ASCC1: variants seen among roughly 807,000 people sequenced by gnomAD.
ASCC1 encodes the protein activating signal cointegrator 1 complex subunit 1.
Under a neutral mutation model 46.6 loss-of-function variants are expected in ASCC1, and 35 were observed. The ratio of observed to expected loss-of-function variants is 0.75; its 90% CI spans 0.57 to 0.99. ASCC1 has a LOEUF of 0.99. Ranked by LOEUF, ASCC1 falls within the 50% of genes least tolerant of loss-of-function variation. The pLI is 0.00. For missense variants in ASCC1, 376 were observed against 428.7 expected, an observed-to-expected ratio of 0.88 and a Z score of 1.09; for synonymous variants, 143 against 146.6, an observed-to-expected ratio of 0.98 and a Z score of 0.18.
At chr10:72,190,842 A>G (rs796673992) in intron 5 of ASCC1, among the ~76,000 whole-genome samples, 20 of 151,512 alleles carry the variant, frequency 1.3e-4, no homozygotes, top group African/African-American at 4.6e-4. Context: ...TTAAAAATAT[A>G]AAAATTCGCT....
At chr10:72,148,327 G>A (rs965782387) in intron 7 of ASCC1, among the ~76,000 whole-genome samples, 5 of 152,140 alleles carry the variant, frequency 3.3e-5, no homozygotes, top group Admixed American at 1.3e-4. Flanking sequence ...AAAGTACTGG[G>A]TCCATATACC....
chr10:72,192,466 A>G (rs866698631), intron 5 of ASCC1, among the ~76,000 whole-genome samples: 7 of 151,958 alleles, frequency 4.6e-5, no homozygotes, highest in Non-Finnish European at 7.4e-5. Context: ...AAAAAAAAAA[A>G]AAAGAAAGAA....
chr10:72,146,870 C>T (rs1344207654), intron 7 of ASCC1, among the ~76,000 whole-genome samples: 2 of 151,850 alleles, frequency 1.3e-5, no homozygotes, highest in African/African-American at 2.4e-5. Flanking sequence ...AAGTTAAGTG[C>T]TTGTATCTTC....
At chr10:72,123,117 C>G (rs1008561621) in intron 9 of ASCC1, among the ~76,000 whole-genome samples, 1 of 152,034 alleles carries the variant, frequency 6.6e-6, no homozygotes, top group Admixed American at 6.6e-5. Context: ...GCAGGCAGAT[C>G]ACAAGGTCAG....
At chr10:72,123,623 A>T (rs1243546813) in intron 9 of ASCC1, among the ~76,000 whole-genome samples, 1 of 152,194 alleles carries the variant, frequency 6.6e-6, no homozygotes, top group African/African-American at 2.4e-5. Flanking sequence ...TTTTTTAAAA[A>T]GTGACCGCAT....
At chr10:72,119,040 T>C (rs1843855296) in intron 9 of ASCC1, among the ~76,000 whole-genome samples, 1 of 152,060 alleles carries the variant, frequency 6.6e-6, no homozygotes, top group Non-Finnish European at 1.5e-5. Flanking sequence ...CACACACAGG[T>C]GGATACAGAG....
intron 9 of ASCC1, among the ~76,000 whole-genome samples, chr10:72,116,279 C>T (rs1326730357): frequency 6.6e-6 from 1 of 152,156 alleles, no homozygotes; most frequent in Non-Finnish European, 1.5e-5. Flanking sequence ...GGCTGAACTT[C>T]CTGCTTTTTG....
intron 6 of ASCC1, among the ~76,000 whole-genome samples, chr10:72,156,384 G>A (rs1051267779): frequency 6.6e-6 from 1 of 152,106 alleles, no homozygotes; most frequent in Non-Finnish European, 1.5e-5. Context: ...CCCAGTCTCT[G>A]GTATTTCTTT....
At chr10:72,209,810 T>C (rs1322666033) in intron 3 of ASCC1, among the ~76,000 whole-genome samples, 2 of 151,948 alleles carry the variant, frequency 1.3e-5, no homozygotes, top group African/African-American at 2.4e-5. Context: ...TTAAATAAAT[T>C]AAATAAAAGG....
chr10:72,136,504 G>A (rs974031970), intron 7 of ASCC1, among the ~76,000 whole-genome samples: 2 of 152,214 alleles, frequency 1.3e-5, no homozygotes, highest in Non-Finnish European at 2.9e-5. Context: ...TCTGTGTCTA[G>A]CTTAAAGATT....
intron 2 of ASCC1, 95 bp from the exon 3 acceptor site, chr10:72,210,926 A>G (rs1276777766): frequency 2.7e-6 from 3 of 1,126,758 alleles, no homozygotes; most frequent in Non-Finnish European, 1.3e-6. Context: ...GGTTTAAAAA[A>G]AGCAATACAC....
intron 5 of ASCC1, among the ~76,000 whole-genome samples, chr10:72,180,214 G>C (rs1269381272): frequency 6.6e-6 from 1 of 152,068 alleles, no homozygotes; most frequent in African/African-American, 2.4e-5. Context: ...AGGGAGCAGA[G>C]GTTGCAGTAA....
chr10:72,154,290 C>T (rs1848697817), intron 6 of ASCC1, among the ~76,000 whole-genome samples: 1 of 152,084 alleles, frequency 6.6e-6, no homozygotes, highest in African/African-American at 2.4e-5. Flanking sequence ...CCAATGGCTG[C>T]TAAAACTTGG....
chr10:72,097,248 C>A lies in ASCC1; in HGVS notation c.*86G>T. On this transcript the variant is annotated 3_prime_UTR_variant, in exon 10 of 10. Transcript: ENST00000672957. Reference sequence around the variant, plus strand: ...AGGAAAGTCACCATCCAAATGTCCACATCCCTGCTTGGCAATTAAAACGAA... The same window carrying A: ...AGGAAAGTCACCATCCAAATGTCCAAATCCCTGCTTGGCAATTAAAACGAA... The A allele has an allele frequency of 1.1e-6, 1 of 947,954 alleles. No homozygotes were observed. Among genetic ancestry groups the A allele is most frequent in the South Asian group, 1.3e-5 (1 of 77,428 alleles). 58.7% of individuals were successfully genotyped at this position (947,954 alleles called of 1,614,324 possible).
Position 72,203,471 on chromosome 10 carries a change from T to C in ASCC1, c.266A>G (p.Lys89Arg), listed in dbSNP as rs757339958. 44 of 1,613,640 alleles carry C rather than the reference T, an allele frequency of 2.7e-5. No homozygotes were observed. In the East Asian group the frequency reaches 9.8e-4, roughly 36 times the overall value. The part of the protein sequence containing the change: ...DTRKKIEMET[K>R]TSISIPKPGQ... ...AGGTTTAGGAATGCTAATAGAAGTT[T>C]TGGTCTCCATTTCTATTTTCTTCCT... Residue 89 changes from lysine (K) to arginine (R), a missense_variant, in exon 4 of 10, where the codon AAA becomes AGA. Physicochemically the swap from Lys to Arg is conservative, Grantham distance 26. Coordinates refer to ENST00000672957, the MANE Select transcript of ASCC1 (RefSeq NM_001198800.3).
At chr10:72,113,444 C>G (rs1392567662) in intron 9 of ASCC1, among the ~76,000 whole-genome samples, 9 of 152,212 alleles carry the variant, frequency 5.9e-5, no homozygotes, top group Admixed American at 5.9e-4. Context: ...AAAAATCAGT[C>G]AATTTCTTGT....
intron 9 of ASCC1, among the ~76,000 whole-genome samples, chr10:72,098,140 A>G (rs567064475): frequency 6.6e-6 from 1 of 152,368 alleles, no homozygotes; most frequent in African/African-American, 2.4e-5. Flanking sequence ...AGCTTTCAAA[A>G]GTGTGTCAGA....
At chr10:72,172,038 C>T (rs916470825) in intron 5 of ASCC1, among the ~76,000 whole-genome samples, 4 of 152,164 alleles carry the variant, frequency 2.6e-5, no homozygotes, top group African/African-American at 9.7e-5. Context: ...CCAGCCTACA[C>T]GGTGGTTATA....
intron 9 of ASCC1, chr10:72,102,829 G>T (rs1841929471): frequency 2.9e-6 from 1 of 349,476 alleles, no homozygotes; most frequent in Non-Finnish European, 5.6e-6. Flanking sequence ...ACAAAAATTA[G>T]CCAGGCATGG....
Sources: gnomAD v4.1 joint callset for allele counts (sites outside exome capture counted in the v4.1 genomes callset) on GRCh38, gnomAD v4.1.1 for gene constraint, MANE v1.5 for transcripts, NCBI Gene and HGNC (gene_info 2026-07-23, HGNC 2026-07-21) for gene names.